PIBF1: variants seen among roughly 807,000 people sequenced by gnomAD.
PIBF1 encodes progesterone-induced-blocking factor 1.
Under a neutral mutation model 112.5 loss-of-function variants are expected in PIBF1, and 90 were observed. The observed-to-expected ratio is 0.80, with a 90% CI of 0.67 to 0.95. The LOEUF is 0.95. Among genes scored for constraint, PIBF1 ranks in the 40% least tolerant of loss-of-function variants. PIBF1 has a pLI of 0.00. For synonymous variants in PIBF1, 301 were observed against 288.6 expected (o/e 1.04, Z -0.44); for missense variants, 915 against 852.3 (o/e 1.07, Z -0.92).
At chr13:73,009,434 G>A (rs1224230610) in intron 17 of PIBF1, among the ~76,000 whole-genome samples, 2 of 152,160 alleles carry the variant, frequency 1.3e-5, no homozygotes, top group African/African-American at 4.8e-5. Flanking sequence ...TCTGTAACAG[G>A]GTTTGATTCA....
In PIBF1 at chr13:72,908,615, G is replaced by A. The variant is rs757244917; in HGVS notation, c.1573G>A (p.Ala525Thr). 16 of 1,613,102 alleles carry A rather than the reference G, an allele frequency of 9.9e-6. No homozygotes were observed. The highest frequency in any genetic ancestry group is 1.3e-5 in the Non-Finnish European group (15 of 1,179,310). Reference sequence around the variant, plus strand: ...TCAAGCACAGAACTCAGAGCATCAAGCAAGGCTAGACATTTATGAGAAACT... The same window carrying A: ...TCAAGCACAGAACTCAGAGCATCAAACAAGGCTAGACATTTATGAGAAACT... ...ELQAQNSEHQARLDIYEKLEK... is the reference protein window; with the variant it reads ...ELQAQNSEHQTRLDIYEKLEK... Residue 525 changes from alanine to threonine, a missense_variant, in exon 12 of 18, where the codon GCA (alanine) becomes ACA (threonine). By Grantham distance (58) the Ala-to-Thr change is moderately conservative. Transcript: ENST00000326291.
chr13:72,958,283 C>CT (rs142688160), intron 14 of PIBF1, among the ~76,000 whole-genome samples: 14,819 of 138,972 alleles, frequency 0.11, 1,054 homozygotes, highest in Non-Finnish European at 0.15. Context: ...GCACTCCAAC[C>CT]TGGATGACAA....
intron 2 of PIBF1, among the ~76,000 whole-genome samples, chr13:72,790,508 CACATAG>C (rs1254491630): frequency 2.6e-4 from 34 of 132,430 alleles, no homozygotes; most frequent in South Asian, 1.8e-3. Flanking sequence ...ATCACACACA[CACATAG>C]ATAGATAGAT....
intron 10 of PIBF1, among the ~76,000 whole-genome samples, chr13:72,870,288 G>T (rs2039108212): frequency 6.6e-6 from 1 of 152,102 alleles, no homozygotes; most frequent in Non-Finnish European, 1.5e-5. Context: ...AATGTTTAAT[G>T]TTGCTTGCCT....
At chr13:72,861,083 T>A (rs2038675104) in intron 10 of PIBF1, among the ~76,000 whole-genome samples, 1 of 152,132 alleles carries the variant, frequency 6.6e-6, no homozygotes, top group African/African-American at 2.4e-5. Context: ...AAGGTTGCAA[T>A]TCAAAATTAA....
At chr13:72,916,252 C>G (rs564640027) in intron 12 of PIBF1, among the ~76,000 whole-genome samples, 9 of 151,652 alleles carry the variant, frequency 5.9e-5, no homozygotes, top group Non-Finnish European at 1.2e-4. Flanking sequence ...ATTAGCCGGG[C>G]TTGGTGGTGG....
chr13:72,783,841 G>A lies in PIBF1; in HGVS notation c.252+120G>A, dbSNP rs2034442347. On this transcript the variant is annotated intron_variant, in intron 2 of 17. Coordinates refer to ENST00000326291, the MANE Select transcript of PIBF1 (RefSeq NM_006346.4). ...ATGATACATTTATATTTCTTGACAA[G>A]TACAGCCTTTAAATAATTTTGGTGT... 9 of 981,098 alleles carry A rather than the reference G, an allele frequency of 9.2e-6. No individual in the cohort carries two copies. In the East Asian group the frequency reaches 1.5e-4, roughly 16 times the overall value. The allele number at this position is 981,098 out of a possible 1,614,324, so 60.8% of individuals were successfully genotyped here.
At chr13:72,846,914 A>G (rs535240871) in intron 9 of PIBF1, among the ~76,000 whole-genome samples, 5 of 152,264 alleles carry the variant, frequency 3.3e-5, no homozygotes, top group African/African-American at 1.2e-4. Flanking sequence ...AATATACGTA[A>G]TATTTATTGA....
intron 13 of PIBF1, among the ~76,000 whole-genome samples, chr13:72,918,383 A>ATTTTTTTTTTTT (rs60024983): frequency 9.7e-6 from 1 of 102,962 alleles, no homozygotes; most frequent in African/African-American, 4.1e-5. Context: ...GCAACTACCT[A>ATTTTTTTTTTTT]TTTTTTTTTT....
chr13:72,904,433 C>CTTTTTTTTTTATTTTTTTTTTTTTTTTT (rs2040612075), intron 11 of PIBF1, among the ~76,000 whole-genome samples: 1 of 36,558 alleles, frequency 2.7e-5, no homozygotes, highest in Non-Finnish European at 4.6e-5. Flanking sequence ...CAAAATATTT[C>CTTTTTTTTTTATTTTTTTTTTTTTTTTT]TTTTTTTTTT....
chr13:72,904,873 G>A (rs1411405383), intron 11 of PIBF1, among the ~76,000 whole-genome samples: 1 of 151,678 alleles, frequency 6.6e-6, no homozygotes, highest in Non-Finnish European at 1.5e-5. Context: ...TGTCTAAGGT[G>A]AGAATAAAAG....
chr13:72,971,204 GTA>G (rs67507448), intron 15 of PIBF1, among the ~76,000 whole-genome samples: 8,078 of 65,342 alleles, frequency 0.12, 462 homozygotes, highest in East Asian at 0.27. Flanking sequence ...GTGTGTGTGT[GTA>G]TGTGTGTGTG....
chr13:72,931,686 T>G (rs896181830), intron 14 of PIBF1, among the ~76,000 whole-genome samples: 42 of 143,902 alleles, frequency 2.9e-4, no homozygotes, highest in Admixed American at 1.0e-3. Context: ...TCATATTGCT[T>G]CTTTTTCTTA....
chr13:73,000,813 C>A (rs2043838705), intron 17 of PIBF1, among the ~76,000 whole-genome samples: 1 of 152,202 alleles, frequency 6.6e-6, no homozygotes, highest in South Asian at 2.1e-4. Context: ...TCAATCAGTA[C>A]ATGAGTAACA....
At chr13:72,783,210 CTG>C (rs1025148251) in intron 1 of PIBF1, among the ~76,000 whole-genome samples, 7 of 151,962 alleles carry the variant, frequency 4.6e-5, no homozygotes, top group Non-Finnish European at 1.0e-4. Flanking sequence ...CCCGCAGGAA[CTG>C]TTTTTTTAAG....
chr13:72,810,405 G>A (rs1433084247), intron 5 of PIBF1, among the ~76,000 whole-genome samples: 2 of 152,074 alleles, frequency 1.3e-5, no homozygotes, highest in African/African-American at 2.4e-5. Flanking sequence ...TGAGAACTTT[G>A]GTAACTAGGA....
intron 16 of PIBF1, among the ~76,000 whole-genome samples, chr13:72,977,183 GTTT>G (rs1262005683): frequency 9.0e-5 from 1 of 11,096 alleles, no homozygotes; most frequent in Non-Finnish European, 1.5e-4. Flanking sequence ...ATGTTGTGTT[GTTT>G]TGTTTTGTTT....
intron 6 of PIBF1, among the ~76,000 whole-genome samples, chr13:72,824,277 A>G (rs1051852017): frequency 1.3e-5 from 2 of 151,648 alleles, no homozygotes; most frequent in African/African-American, 4.8e-5. Context: ...TTGGCCTCCC[A>G]AAGTGCTGAG....
intron 10 of PIBF1, among the ~76,000 whole-genome samples, chr13:72,877,104 G>A (rs1195896005): frequency 6.6e-6 from 1 of 152,040 alleles, no homozygotes; most frequent in African/African-American, 2.4e-5. Context: ...GTTAGATTTT[G>A]TGAAATGCTT....
Sources: allele counts gnomAD v4.1 joint callset (sites outside exome capture counted in the v4.1 genomes callset), GRCh38; gene constraint gnomAD v4.1.1; transcripts MANE v1.5; gene names NCBI Gene and HGNC (gene_info 2026-07-23, HGNC 2026-07-21).